Variants in MAF observed in about 807,000 individuals in gnomAD.
MAF encodes the protein transcription factor Maf.
Under a neutral mutation model 22.0 loss-of-function variants are expected in MAF, and 10 were observed. The observed-to-expected ratio is 0.45, with a 90% CI of 0.28 to 0.77. The LOEUF is 0.77. MAF is among the 30% of genes least tolerant of loss of function. MAF has a pLI of 0.12. For missense variants in MAF, 544 were observed against 548.4 expected (o/e 0.99, Z 0.08); for synonymous variants, 337 against 255.8 (o/e 1.32, Z -3.03).
At chr16:79,321,433 G>A in the MAF span, among the ~76,000 whole-genome samples, 1 of 152,180 alleles carries the variant, frequency 6.6e-6, no homozygotes, top group Non-Finnish European at 1.5e-5. Context: ...GGAAGAGAGG[G>A]AAAGGGCTAC....
At chr16:79,442,359 T>TTTTATTTA in the MAF span, among the ~76,000 whole-genome samples, 6 of 151,918 alleles carry the variant, frequency 3.9e-5, no homozygotes, top group Admixed American at 2.6e-4. Context: ...TATCCTTTTA[T>TTTTATTTA]TTTATTTATT....
chr16:79,377,278 T>A, the MAF span, among the ~76,000 whole-genome samples: 2 of 152,252 alleles, frequency 1.3e-5, no homozygotes, highest in Non-Finnish European at 1.5e-5. Context: ...TGGCCAGTGA[T>A]GATGATCAGC....
At chr16:79,549,493 A>G in the MAF span, among the ~76,000 whole-genome samples, 30 of 152,318 alleles carry the variant, frequency 2.0e-4, no homozygotes, top group African/African-American at 6.7e-4. Context: ...TGTCAAATTC[A>G]AGGTGAAGAA....
chr16:79,211,213 G>A, the MAF span, among the ~76,000 whole-genome samples: 2 of 152,146 alleles, frequency 1.3e-5, no homozygotes, highest in African/African-American at 2.4e-5. Flanking sequence ...TTCTACAAAC[G>A]ATTTGGTATC....
At chr16:79,456,013 C>G in the MAF span, among the ~76,000 whole-genome samples, 1 of 151,988 alleles carries the variant, frequency 6.6e-6, no homozygotes, top group African/African-American at 2.4e-5. Context: ...GCAAGACTCT[C>G]TCAAAATAAA....
the MAF span, among the ~76,000 whole-genome samples, chr16:79,248,222 T>C: frequency 6.6e-6 from 1 of 151,988 alleles, no homozygotes; most frequent in Admixed American, 6.6e-5. Context: ...GAGTTATACA[T>C]AAAGAGTTAA....
chr16:79,377,938 G>A, the MAF span, among the ~76,000 whole-genome samples: 1 of 152,146 alleles, frequency 6.6e-6, no homozygotes, highest in African/African-American at 2.4e-5. Context: ...TAAACTTGCA[G>A]TATAGTTTGA....
At chr16:79,240,296 G>C in the MAF span, among the ~76,000 whole-genome samples, 15 of 151,420 alleles carry the variant, frequency 9.9e-5, no homozygotes, top group East Asian at 2.9e-3. Flanking sequence ...GTTCTGTTTT[G>C]TCAAAATGTG....
chr16:79,281,828 T>C, the MAF span, among the ~76,000 whole-genome samples: 1 of 152,020 alleles, frequency 6.6e-6, no homozygotes, highest in Non-Finnish European at 1.5e-5. Flanking sequence ...GAAAATCCAT[T>C]ACAATCCTTT....
chr16:79,432,679 TA>T, the MAF span, among the ~76,000 whole-genome samples: 2 of 152,174 alleles, frequency 1.3e-5, no homozygotes, highest in East Asian at 3.9e-4. Context: ...GATGAAGTCA[TA>T]CTGGAGTAGG....
At chr16:79,254,036 T>C in the MAF span, among the ~76,000 whole-genome samples, 2 of 151,948 alleles carry the variant, frequency 1.3e-5, no homozygotes, top group African/African-American at 2.4e-5. Context: ...TTGTTTTTTT[T>C]TTTATAAAAA....
the MAF span, among the ~76,000 whole-genome samples, chr16:79,547,184 CACAA>C: frequency 6.6e-6 from 1 of 151,948 alleles, no homozygotes; most frequent in African/African-American, 2.4e-5. Context: ...CAAACAGATA[CACAA>C]ACACACATCC....
chr16:79,499,621 C>T, the MAF span, among the ~76,000 whole-genome samples: 1 of 152,162 alleles, frequency 6.6e-6, no homozygotes, highest in Non-Finnish European at 1.5e-5. Flanking sequence ...AAAGAGCTGC[C>T]TTGTCCCTTC....
rs187427658 is a variant in MAF at position 79,588,001 on chromosome 16, G to T, written c.1119-2060C>A. 8.0e-4 allele frequency among the ~76,000 whole-genome samples: 122 copies of T among 152,244 alleles called. 1 individual carries two copies. Among genetic ancestry groups the T allele is most frequent in the East Asian group, 1.2e-3 (6 of 5,174 alleles). On this transcript the variant is annotated intron_variant, in intron 1 of 1. Transcript: ENST00000569649. ...GTGGGGGAAAAGGAGGTCTCACATC[G>T]GGGTAAGAGAGATTTTCGAGCTGGG...
the MAF span, among the ~76,000 whole-genome samples, chr16:79,239,283 C>T: frequency 1.3e-5 from 2 of 152,028 alleles, no homozygotes; most frequent in East Asian, 1.9e-4. Flanking sequence ...ACATGTCTGT[C>T]ACTCTTAAGT....
chr16:79,524,074 C>T, the MAF span, among the ~76,000 whole-genome samples: 10 of 152,250 alleles, frequency 6.6e-5, no homozygotes, highest in East Asian at 1.5e-3. Context: ...TTACTCAGGC[C>T]CTGGGGGATT....
downstream of MAF, among the ~76,000 whole-genome samples, chr16:79,592,984 C>T (rs1033661106): frequency 3.9e-5 from 6 of 152,064 alleles, no homozygotes; most frequent in Admixed American, 2.0e-4. Flanking sequence ...TGTGTTTTAC[C>T]GGCATGGAAA....
chr16:79,209,281 T>C, the MAF span, among the ~76,000 whole-genome samples: 1 of 152,220 alleles, frequency 6.6e-6, no homozygotes, highest in African/African-American at 2.4e-5. Context: ...GCATTCTGAA[T>C]CAATGGGACT....
At chr16:79,454,839 G>T in the MAF span, among the ~76,000 whole-genome samples, 1 of 152,160 alleles carries the variant, frequency 6.6e-6, no homozygotes, top group Admixed American at 6.6e-5. Flanking sequence ...CCTCATGCCT[G>T]TAATCCCAGC....
Sources: allele counts gnomAD v4.1 joint callset (sites outside exome capture counted in the v4.1 genomes callset), GRCh38; gene constraint gnomAD v4.1.1; transcripts MANE v1.5; gene names NCBI Gene and HGNC (gene_info 2026-07-23, HGNC 2026-07-21).